NDUFB7: variants seen among roughly 807,000 people sequenced by gnomAD.
The protein encoded by NDUFB7 is NADH dehydrogenase [ubiquinone] 1 beta subcomplex subunit 7.
NDUFB7 carries 18 observed loss-of-function variants against 14.7 expected under a neutral mutation model. The ratio of observed to expected loss-of-function variants is 1.22; its 90% CI spans 0.85 to 1.81. The LOEUF is 1.81. Ranked by LOEUF, NDUFB7 falls within the 40% of genes most tolerant of loss-of-function variation. The pLI, the probability that NDUFB7 is intolerant of heterozygous loss-of-function variation, is 0.00. For missense variants in NDUFB7, 219 were observed against 195.0 expected (o/e 1.12, Z -0.73); for synonymous variants, 86 against 76.1 (o/e 1.13, Z -0.68).
chr19:14,566,420 C>T (rs1351762191), intron 2 of NDUFB7, among the ~76,000 whole-genome samples, 155 bp from the exon 3 acceptor site: 1 of 151,968 alleles, frequency 6.6e-6, no homozygotes, highest in Non-Finnish European at 1.5e-5. Flanking sequence ...GGTCTGCCCA[C>T]GCAGGTGGCA....
At chr19:14,569,675 C>G (rs1279720376) in intron 1 of NDUFB7, among the ~76,000 whole-genome samples, 1 of 152,188 alleles carries the variant, frequency 6.6e-6, no homozygotes, top group African/African-American at 2.4e-5. Context: ...GGCGGAAGGA[C>G]TACCCGGAGT....
intron 2 of NDUFB7, 61 bp downstream of exon 2, chr19:14,566,704 A>C: frequency 7.8e-7 from 1 of 1,285,558 alleles, no homozygotes; most frequent in Non-Finnish European, 1.0e-6. Context: ...AGGGGTGTGG[A>C]AGGCTGGGGG....
intron 1 of NDUFB7, among the ~76,000 whole-genome samples, chr19:14,569,177 G>A (rs906392548): frequency 1.3e-5 from 2 of 151,970 alleles, no homozygotes; most frequent in African/African-American, 4.8e-5. Context: ...AGGGGACAGT[G>A]ATCTAGGAGG....
intron 1 of NDUFB7, among the ~76,000 whole-genome samples, chr19:14,570,127 C>G (rs1039556524): frequency 1.2e-4 from 19 of 152,026 alleles, no homozygotes; most frequent in Non-Finnish European, 2.8e-4. Flanking sequence ...AAACTCCTGA[C>G]CTCAGGTGAT....
In NDUFB7 at chr19:14,566,140, G is replaced by A; in HGVS notation, c.407C>T (p.Ala136Val). Residue 136 changes from alanine (A) to valine (V), a missense_variant, in exon 3 of 3, where the codon GCC (alanine) becomes GTC (valine). Physicochemically the swap from Ala to Val is moderately conservative, Grantham distance 64. Transcript: ENST00000215565. ...GGGTGGGGGGTGCACCCCCTACAGG[G>A]CCACCTTGGGGTCCACTTCCCCGGG... The part of the protein sequence containing the change: ...QGPGEVDPKV[A>V]L 6.2e-7 allele frequency: 1 copy of A among 1,610,792 alleles called. No homozygotes were observed. The highest frequency in any genetic ancestry group is 8.5e-7 in the Non-Finnish European group (1 of 1,178,596).
At chr19:14,568,893 G>A (rs2074108940) in intron 1 of NDUFB7, among the ~76,000 whole-genome samples, 1 of 151,912 alleles carries the variant, frequency 6.6e-6, no homozygotes, top group Non-Finnish European at 1.5e-5. Context: ...AATAAATATG[G>A]GCCAGGCGCG....
At position 14,567,500 on chromosome 19, in the gene NDUFB7, C is replaced by T. The variant is rs2074099034; in HGVS notation, c.113-567G>A. The stretch of plus-strand genomic sequence containing the variant: ...TACCTGTAAGGTACTTAGGCGTGGG[C>T]TCAGAAGACAGCTGGACTAGTATCT... On this transcript the variant is annotated intron_variant, in intron 1 of 2. Coordinates refer to ENST00000215565, the MANE Select transcript of NDUFB7 (RefSeq NM_004146.6). This position sits in a 1 kb window ranked among gnomAD's most constrained non-coding sequence, Gnocchi z 5.1. Among the ~76,000 whole-genome samples, 1 of 152,164 alleles carries T rather than the reference C, an allele frequency of 6.6e-6. No homozygotes were observed. Among genetic ancestry groups the T allele is most frequent in the South Asian group, 2.1e-4 (1 of 4,836 alleles).
intron 1 of NDUFB7, among the ~76,000 whole-genome samples, chr19:14,568,695 G>C (rs186476214): frequency 1.8e-3 from 273 of 152,212 alleles, no homozygotes; most frequent in African/African-American, 6.4e-3. Context: ...GACCAGCCTG[G>C]GGAGCACAGA....
Position 14,567,039 on chromosome 19 carries a change from T to A in NDUFB7, c.113-106A>T, listed in dbSNP as rs1049404170. 8.5e-7 allele frequency: 1 copy of A among 1,183,418 alleles called. No individual in the cohort carries two copies. Among genetic ancestry groups the A allele is most frequent in the African/African-American group, 1.5e-5 (1 of 65,476 alleles). The allele number at this position is 1,183,418 out of a possible 1,614,324, so 73.3% of individuals were successfully genotyped here. A position where few individuals can be genotyped will look rare whatever the true frequency, so the allele number is the denominator to read the frequency against. On this transcript the variant is annotated intron_variant, in intron 1 of 2. Transcript: ENST00000215565. This position sits in a 1 kb window ranked among gnomAD's most constrained non-coding sequence, Gnocchi z 5.1. The stretch of plus-strand genomic sequence containing the variant: ...GGCTTCAGGAAGGCACGGCTTGGGG[T>A]GTCCCCCATTCACATCCAGATGGCA...
rs187358171 is a variant in NDUFB7 at position 14,568,094 on chromosome 19, G to A, written c.113-1161C>T. Among the ~76,000 whole-genome samples, 46 of 152,260 alleles carry A rather than the reference G, an allele frequency of 3.0e-4. 1 individual carries two copies. The highest frequency in any genetic ancestry group is 1.1e-3 in the African/African-American group (46 of 41,560). On this transcript the variant is annotated intron_variant, in intron 1 of 2. Transcript: ENST00000215565. ...GAGTCTCACTCTGTCACCCAGGCTG[G>A]AGGGCAGTGGCAAGATCTCAGCTCA...
chr19:14,566,530 C>T (rs2146640714), intron 2 of NDUFB7, among the ~76,000 whole-genome samples: 1 of 151,336 alleles, frequency 6.6e-6, no homozygotes, highest in Middle Eastern at 3.4e-3. Flanking sequence ...CTCTCTGGGA[C>T]TAAGGTGGGG....
In NDUFB7 at chr19:14,566,208, CTTCTTCCGCTGG is replaced by C. The variant is rs753686635; in HGVS notation, c.327_338del (p.Gln110_Lys113del). 13 of 1,614,066 alleles carry C rather than the reference CTTCTTCCGCTGG, an allele frequency of 8.1e-6. No individual in the cohort carries two copies. The South Asian group carries it at 9.9e-5, about 12-fold the overall frequency. Reference sequence around the variant, plus strand: ...ACTCTGCCGCCTTCTTCTCCCGCCGCTTCTTCCGCTGGAGCAGCCTCCGCTCCCGCTCAAACT... The same window carrying C: ...ACTCTGCCGCCTTCTTCTCCCGCCGCAGCAGCCTCCGCTCCCGCTCAAACT... On this transcript the variant is annotated inframe_deletion, in exon 3 of 3. Transcript: ENST00000215565.
At chr19:14,570,581 C>T (rs2074118998) in intron 1 of NDUFB7, among the ~76,000 whole-genome samples, 1 of 152,290 alleles carries the variant, frequency 6.6e-6, no homozygotes, top group South Asian at 2.1e-4. Context: ...AGGTGATCTG[C>T]CCGCCTTAGC....
Position 14,567,399 on chromosome 19 carries a change from C to T in NDUFB7, c.113-466G>A, listed in dbSNP as rs1405813373. On this transcript the variant is annotated intron_variant, in intron 1 of 2. Coordinates refer to ENST00000215565, the MANE Select transcript of NDUFB7 (RefSeq NM_004146.6). This position sits in a 1 kb window ranked among gnomAD's most constrained non-coding sequence, Gnocchi z 5.1. Reference sequence around the variant, plus strand: ...CAAGGCCCAGCTCTGCACTGGCCGGCGGCGTGGCCTCTCTCTCAGCCTCAG... The same window carrying T: ...CAAGGCCCAGCTCTGCACTGGCCGGTGGCGTGGCCTCTCTCTCAGCCTCAG... Among the ~76,000 whole-genome samples the T allele has an allele frequency of 1.9e-5, 2 of 103,704 alleles. No individual in the cohort carries two copies. The highest frequency in any genetic ancestry group is 4.0e-5 in the African/African-American group (1 of 24,794). The allele number at this position is 103,704 out of a possible 152,430, so 68.0% of individuals were successfully genotyped here.
At position 14,571,462 on chromosome 19, in the gene NDUFB7, T is replaced by C. The variant is rs2074124522; in HGVS notation, c.112+427A>G. ...AATACAAAAAAGTAGCTGGGCATGG[T>C]GGTACACATCTGTAATCACAGCTAC... is the stretch of plus-strand genomic sequence containing the variant. On this transcript the variant is annotated intron_variant, in intron 1 of 2. Coordinates refer to ENST00000215565, the MANE Select transcript of NDUFB7 (RefSeq NM_004146.6). Among the ~76,000 whole-genome samples, 5 of 152,020 alleles carry C rather than the reference T, an allele frequency of 3.3e-5. No individual in the cohort carries two copies. In the South Asian group the frequency reaches 8.3e-4, roughly 25 times the overall value.
In NDUFB7 at chr19:14,566,148, G is replaced by C. The variant is rs2074079077; in HGVS notation, c.399C>G (p.Pro133=). The C allele has an allele frequency of 7.4e-6, 12 of 1,611,810 alleles. No individual in the cohort carries two copies. Among genetic ancestry groups the C allele is most frequent in the Non-Finnish European group, 1.0e-5 (12 of 1,179,168 alleles). The change falls in exon 3 of 3, where the codon CCC becomes CCG. Residue 133 remains proline, a synonymous_variant. Coordinates refer to ENST00000215565, the MANE Select transcript of NDUFB7 (RefSeq NM_004146.6). The stretch of plus-strand genomic sequence containing the variant: ...GGTGCACCCCCTACAGGGCCACCTT[G>C]GGGTCCACTTCCCCGGGTCCCTGGC... The part of the protein sequence containing the change: ...AKGQGPGEVD[P]KVAL
Position 14,566,198 on chromosome 19 carries a change from TC to T in NDUFB7, c.348del (p.Lys117ArgfsTer?). The T allele has an allele frequency of 6.2e-7, 1 of 1,613,748 alleles. No individual in the cohort carries two copies. ...RRLLQRKKRREKKAAELAKGQ... is the reference protein window; with the variant it reads ...RRLLQRKKRRXKKAAELAKGQ... ...CCTTTGGCCAACTCTGCCGCCTTCT[TC>T]TCCCGCCGCTTCTTCCGCTGGAGCA... is the stretch of plus-strand genomic sequence containing the variant. On this transcript the variant is annotated frameshift_variant, in exon 3 of 3. Transcript: ENST00000215565. LOFTEE classifies it high-confidence loss of function.
At chr19:14,568,128 CCT>C (rs1376079626) in intron 1 of NDUFB7, among the ~76,000 whole-genome samples, 2 of 151,940 alleles carry the variant, frequency 1.3e-5, no homozygotes, top group Non-Finnish European at 2.9e-5. Context: ...CACTGCAACC[CCT>C]GTCTCCCAGG....
intron 1 of NDUFB7, among the ~76,000 whole-genome samples, chr19:14,571,582 A>T (rs1035362229): frequency 1.3e-5 from 2 of 149,808 alleles, no homozygotes; most frequent in Non-Finnish European, 3.0e-5. Flanking sequence ...TGAAAGAAAA[A>T]GCGAGACTCC....
Sources: allele counts gnomAD v4.1 joint callset (sites outside exome capture counted in the v4.1 genomes callset), GRCh38; gene constraint gnomAD v4.1.1; non-coding constraint Gnocchi (gnomAD v3.1); transcripts MANE v1.5; gene names NCBI Gene and HGNC (gene_info 2026-07-23, HGNC 2026-07-21).